Variants in LSM1 observed in about 807,000 individuals in gnomAD.
LSM1 encodes LSM1 homolog, mRNA degradation associated, also known as U6 snRNA-associated Sm-like protein LSm1.
In LSM1, 13 loss-of-function variants were observed where a neutral mutation model predicts 18.0. The observed-to-expected ratio is 0.72, with a 90% CI of 0.47 to 1.15. LSM1 has a LOEUF of 1.15. Ranked by LOEUF, LSM1 falls within the 50% of genes most tolerant of loss-of-function variation. The pLI, the probability that LSM1 is intolerant of heterozygous loss-of-function variation, is 0.00. For missense variants in LSM1, 152 were observed against 157.7 expected, an observed-to-expected ratio of 0.96 and a Z score of 0.19; for synonymous variants, 46 against 56.0, an observed-to-expected ratio of 0.82 and a Z score of 0.80.
Position 38,176,491 on chromosome 8 carries a change from AT to A in LSM1, c.-172del. 1.6e-6 allele frequency: 1 copy of A among 613,038 alleles called. No individual in the cohort carries two copies. Among genetic ancestry groups the A allele is most frequent in the Non-Finnish European group, 2.9e-6 (1 of 346,648 alleles). 38.0% of individuals were successfully genotyped at this position (613,038 alleles called of 1,614,324 possible). A position where few individuals can be genotyped will look rare whatever the true frequency, so the allele number is the denominator to read the frequency against. ...CGGGGGCTGCCGGAAGCTCCTCCAT[AT>A]TACCCTTACCCACTTCCTGTAACAC... On this transcript the variant is annotated 5_prime_UTR_variant, in exon 1 of 4. Transcript: ENST00000311351.
intron 1 of LSM1, among the ~76,000 whole-genome samples, chr8:38,173,993 G>C (rs1209562600): frequency 1.3e-5 from 2 of 152,188 alleles, no homozygotes; most frequent in African/African-American, 2.4e-5. Flanking sequence ...GAGAATTAAA[G>C]AATCTGGTGG....
chr8:38,170,095 G>A (rs971985338), intron 2 of LSM1, among the ~76,000 whole-genome samples, 178 bp from the exon 3 acceptor site: 6 of 152,160 alleles, frequency 3.9e-5, no homozygotes, highest in Non-Finnish European at 8.8e-5. Flanking sequence ...AGGCTGGACT[G>A]CAGTGGCGCC....
intron 1 of LSM1, among the ~76,000 whole-genome samples, chr8:38,175,498 CAAT>C (rs1488461161): frequency 3.9e-5 from 6 of 151,968 alleles, no homozygotes; most frequent in Middle Eastern, 3.2e-3. Context: ...ATGATTAAAA[CAAT>C]AAAAAATGTT....
At chr8:38,168,362 G>C (rs1307774894) in intron 3 of LSM1, among the ~76,000 whole-genome samples, 1 of 151,338 alleles carries the variant, frequency 6.6e-6, no homozygotes. Flanking sequence ...AGGCCGAGGC[G>C]GGTAGATCGC....
rs369110965 is a variant in LSM1, at chr8:38,176,342, A to C, written c.-22T>G. The stretch of plus-strand genomic sequence containing the variant: ...TCATTTTGAACTGAAATAATGCTGC[A>C]ATGCACAGCGGCGGGAGGCCAGCGC... On this transcript the variant is annotated 5_prime_UTR_variant, in exon 1 of 4. The change creates a new upstream start codon in the 5' untranslated region. Coordinates refer to ENST00000311351, the MANE Select transcript of LSM1 (RefSeq NM_014462.3). 63 of 1,606,004 alleles carry C rather than the reference A, an allele frequency of 3.9e-5. No individual in the cohort carries two copies. Among genetic ancestry groups the C allele is most frequent in the Non-Finnish European group, 4.9e-5 (58 of 1,175,224 alleles).
intron 3 of LSM1, among the ~76,000 whole-genome samples, chr8:38,166,625 G>GCT (rs1802936103): frequency 6.6e-6 from 1 of 152,162 alleles, no homozygotes; most frequent in African/African-American, 2.4e-5. Context: ...TTCTCCAGAT[G>GCT]CTCTGCCCTG....
chr8:38,168,555 C>T (rs1397008685), intron 3 of LSM1, among the ~76,000 whole-genome samples: 1 of 147,174 alleles, frequency 6.8e-6, no homozygotes, highest in Non-Finnish European at 1.5e-5. Context: ...CATGCCATTG[C>T]ACTCCAGCCT....
chr8:38,170,362 G>A (rs1188429873), intron 2 of LSM1, among the ~76,000 whole-genome samples: 1 of 152,188 alleles, frequency 6.6e-6, no homozygotes. Context: ...TCTGGGGAAG[G>A]CTAAAATTTC....
At chr8:38,167,177 C>G (rs995336377) in intron 3 of LSM1, among the ~76,000 whole-genome samples, 1 of 152,142 alleles carries the variant, frequency 6.6e-6, no homozygotes, top group Admixed American at 6.6e-5. Flanking sequence ...AAAAAGGGAA[C>G]TTTTCCTCAC....
chr8:38,171,249 T>C (rs1381458967), intron 2 of LSM1, among the ~76,000 whole-genome samples: 1 of 152,190 alleles, frequency 6.6e-6, no homozygotes, highest in African/African-American at 2.4e-5. Flanking sequence ...TAAGCAGCCT[T>C]GGGCCGGGCA....
intron 2 of LSM1, among the ~76,000 whole-genome samples, chr8:38,171,336 CAT>C (rs910794178): frequency 1.8e-4 from 27 of 152,190 alleles, no homozygotes; most frequent in Admixed American, 1.5e-3. Flanking sequence ...ATGCACCAGA[CAT>C]GTGAGTGAAG....
At chr8:38,176,249 C>T (rs755722694) in intron 1 of LSM1, 26 bp downstream of exon 1, 1 of 1,610,134 alleles carries the variant, frequency 6.2e-7, no homozygotes, top group East Asian at 2.2e-5. Flanking sequence ...ACCCCGGGCT[C>T]CACCGGGAGG....
At position 38,176,477 on chromosome 8, in the gene LSM1, G is replaced by A. The variant is rs1201511377; in HGVS notation, c.-157C>T. ...CGGCTTTCAGCCGCCGGGGGCTGCC[G>A]GAAGCTCCTCCATATTACCCTTACC... On this transcript the variant is annotated 5_prime_UTR_variant, in exon 1 of 4. Transcript: ENST00000311351. 2 of 631,708 alleles carry A rather than the reference G, an allele frequency of 3.2e-6. No homozygotes were observed. Among genetic ancestry groups the A allele is most frequent in the Non-Finnish European group, 5.6e-6 (2 of 359,004 alleles). 39.1% of individuals were successfully genotyped at this position (631,708 alleles called of 1,614,324 possible).
intron 1 of LSM1, among the ~76,000 whole-genome samples, chr8:38,175,260 G>C (rs1256835489): frequency 2.0e-5 from 3 of 151,630 alleles, no homozygotes; most frequent in African/African-American, 7.3e-5. Flanking sequence ...TAGGAACGGG[G>C]TTTCACCATG....
chr8:38,174,739 T>A (rs1803089022), intron 1 of LSM1, among the ~76,000 whole-genome samples: 1 of 152,014 alleles, frequency 6.6e-6, no homozygotes, highest in Non-Finnish European at 1.5e-5. Context: ...AAATGATCTG[T>A]CGGCCGGAGG....
intron 2 of LSM1, among the ~76,000 whole-genome samples, chr8:38,171,610 T>G (rs1473195251): frequency 6.6e-6 from 1 of 152,210 alleles, no homozygotes; most frequent in Non-Finnish European, 1.5e-5. Context: ...GAGGTTGCAG[T>G]GAGCCAAGAT....
intron 3 of LSM1, among the ~76,000 whole-genome samples, chr8:38,168,517 G>T (rs1179101274): frequency 6.6e-6 from 1 of 150,726 alleles, no homozygotes; most frequent in East Asian, 2.0e-4. Context: ...CTTGAACCTG[G>T]GAGGCGGAAG....
At chr8:38,167,996 C>G (rs973509453) in intron 3 of LSM1, among the ~76,000 whole-genome samples, 1 of 150,410 alleles carries the variant, frequency 6.6e-6, no homozygotes, top group Non-Finnish European at 1.5e-5. Flanking sequence ...GAATCTTGCT[C>G]TGTCGCCCAG....
At chr8:38,164,275 G>T (rs1162332356) in intron 3 of LSM1, among the ~76,000 whole-genome samples, 1 of 152,058 alleles carries the variant, frequency 6.6e-6, no homozygotes, top group Non-Finnish European at 1.5e-5. Context: ...GGCTGGTCTC[G>T]AAACCTGACC....
Sources: gnomAD v4.1 joint callset for allele counts (sites outside exome capture counted in the v4.1 genomes callset) on GRCh38, gnomAD v4.1.1 for gene constraint, MANE v1.5 for transcripts, NCBI Gene and HGNC (gene_info 2026-07-23, HGNC 2026-07-21) for gene names.